MLLT3: variants seen among roughly 807,000 people sequenced by gnomAD.
MLLT3 encodes the protein protein AF-9.
A neutral mutation model predicts 53.2 loss-of-function variants in MLLT3; 4 were observed. The observed-to-expected ratio is 0.08, with a 90% CI of 0.04 to 0.17. MLLT3 has a LOEUF of 0.17. Among genes scored for constraint, MLLT3 ranks in the 10% least tolerant of loss-of-function variants. The probability of loss-of-function intolerance (pLI) is 1.00; values close to 1 mark genes in which losing one functional copy is unlikely to be tolerated. For synonymous variants in MLLT3, 283 were observed against 230.6 expected (o/e 1.23, Z -2.06); for missense variants, 569 against 684.0 (o/e 0.83, Z 1.87).
chr9:20,608,068 T>G (rs1026820696), intron 2 of MLLT3, among the ~76,000 whole-genome samples: 1 of 152,144 alleles, frequency 6.6e-6, no homozygotes, highest in Non-Finnish European at 1.5e-5. Flanking sequence ...CTTCTTTCTC[T>G]GCCCTAAATC....
intron 5 of MLLT3, among the ~76,000 whole-genome samples, chr9:20,375,021 C>T (rs1014109863): frequency 6.6e-6 from 1 of 152,230 alleles, no homozygotes; most frequent in African/African-American, 2.4e-5. Context: ...TGTGAGGACA[C>T]AGCAAGAACG....
In MLLT3 at chr9:20,343,884, G is replaced by A; in HGVS notation, c.*2559C>T. 4.9e-6 allele frequency: 1 copy of A among 205,330 alleles called. No individual in the cohort carries two copies. The highest frequency in any genetic ancestry group is 1.6e-3 in the Middle Eastern group (1 of 614). 12.7% of individuals were successfully genotyped at this position (205,330 alleles called of 1,614,324 possible). A position where few individuals can be genotyped will look rare whatever the true frequency, so the allele number is the denominator to read the frequency against. ...GAACTGAAGGGGTTACTTTAAGAGAGGTATTAAAACTACTTGAAATTAATT... is the reference window on the plus strand; with the variant it reads ...GAACTGAAGGGGTTACTTTAAGAGAAGTATTAAAACTACTTGAAATTAATT... On this transcript the variant is annotated 3_prime_UTR_variant, in exon 11 of 11. Coordinates refer to ENST00000380338, the MANE Select transcript of MLLT3 (RefSeq NM_004529.4).
chr9:20,537,250 A>C (rs994219347), intron 2 of MLLT3, among the ~76,000 whole-genome samples: 2 of 152,238 alleles, frequency 1.3e-5, no homozygotes, highest in African/African-American at 4.8e-5. Flanking sequence ...AGGCCAAATC[A>C]ATGCATACTA....
rs5896896 is a variant in MLLT3 at position 20,529,724 on chromosome 9, CTT to C, written c.194-72940_194-72939del. Among the ~76,000 whole-genome samples, 171 of 76,412 alleles carry C rather than the reference CTT, an allele frequency of 2.2e-3. 1 individual carries two copies. In the Middle Eastern group the frequency reaches 0.028, roughly 12 times the overall value. The allele number at this position is 76,412 out of a possible 152,430, so 50.1% of individuals were successfully genotyped here. On this transcript the variant is annotated intron_variant, in intron 2 of 10. Transcript: ENST00000380338. Reference sequence around the variant, plus strand: ...ACTAGAAAAGATGATTAATCCAATCCTTTTTTTTTTTTTTTTTTTTTTTTGGT... The same window carrying C: ...ACTAGAAAAGATGATTAATCCAATCCTTTTTTTTTTTTTTTTTTTTTTGGT...
At chr9:20,543,716 G>A (rs763415817) in intron 2 of MLLT3, among the ~76,000 whole-genome samples, 32 of 151,508 alleles carry the variant, frequency 2.1e-4, no homozygotes, top group East Asian at 7.8e-4. Flanking sequence ...GGAGGAGGAC[G>A]GAGGAGGAAG....
At chr9:20,611,632 G>T (rs1466530848) in intron 2 of MLLT3, among the ~76,000 whole-genome samples, 1 of 151,958 alleles carries the variant, frequency 6.6e-6, no homozygotes, top group East Asian at 1.9e-4. Context: ...CTATTTTAAA[G>T]ATAAGCCATA....
chr9:20,509,478 T>G (rs992666257), intron 2 of MLLT3, among the ~76,000 whole-genome samples: 1 of 152,200 alleles, frequency 6.6e-6, no homozygotes, highest in Non-Finnish European at 1.5e-5. Context: ...CACCCAGGCA[T>G]TGAGTAAGAG....
intron 2 of MLLT3, among the ~76,000 whole-genome samples, chr9:20,477,047 G>C (rs993820099): frequency 2.0e-5 from 3 of 152,038 alleles, no homozygotes; most frequent in Non-Finnish European, 4.4e-5. Context: ...AACCAACTCT[G>C]ACTAGAACAG....
intron 5 of MLLT3, among the ~76,000 whole-genome samples, chr9:20,371,838 A>AT (rs1821611948): frequency 6.6e-6 from 1 of 152,232 alleles, no homozygotes; most frequent in African/African-American, 2.4e-5. Context: ...GGTGCCATAG[A>AT]TAGTGATTCC....
chr9:20,454,971 T>C (rs936830163), intron 3 of MLLT3, among the ~76,000 whole-genome samples: 15 of 152,192 alleles, frequency 9.9e-5, no homozygotes, highest in African/African-American at 3.4e-4. Context: ...TGAGGTATAC[T>C]TCACATCTAC....
rs771532026 is a variant in MLLT3 at position 20,555,250 on chromosome 9, C to T, written c.193+65404G>A. Among the ~76,000 whole-genome samples, 98 of 152,102 alleles carry T rather than the reference C, an allele frequency of 6.4e-4. 1 individual carries two copies. Among genetic ancestry groups the T allele is most frequent in the Admixed American group, 9.2e-4 (14 of 15,254 alleles). On this transcript the variant is annotated intron_variant, in intron 2 of 10. Transcript: ENST00000380338. Reference sequence around the variant, plus strand: ...TGGTTTATTTTCATGCCGGAAATAGCATTTTGGTTGAAAACACAGTTTCCT... The same window carrying T: ...TGGTTTATTTTCATGCCGGAAATAGTATTTTGGTTGAAAACACAGTTTCCT...
In MLLT3 at chr9:20,622,274, T is replaced by C; in HGVS notation, c.-18A>G. 2 of 1,588,058 alleles carry C rather than the reference T, an allele frequency of 1.3e-6. No homozygotes were observed. Among genetic ancestry groups the C allele is most frequent in the South Asian group, 1.1e-5 (1 of 87,696 alleles). ...CTAGCCATGCCTGGGGGCCCGGAGG[T>C]TTGCTGGGGTGTTGTGTGGTACCCC... On this transcript the variant is annotated 5_prime_UTR_variant, in exon 1 of 11. Transcript: ENST00000380338.
chr9:20,521,629 T>G (rs1352281277), intron 2 of MLLT3, among the ~76,000 whole-genome samples: 1 of 77,516 alleles, frequency 1.3e-5, no homozygotes, highest in African/African-American at 6.2e-5. Context: ...AAAGCAAAGT[T>G]TAAACTGACA....
At chr9:20,441,494 T>A (rs1473472726) in intron 4 of MLLT3, among the ~76,000 whole-genome samples, 1 of 152,098 alleles carries the variant, frequency 6.6e-6, no homozygotes. Flanking sequence ...TTCCAGAGTT[T>A]GTGGGGGGAG....
At chr9:20,470,853 C>A (rs1429964103) in intron 2 of MLLT3, among the ~76,000 whole-genome samples, 1 of 151,992 alleles carries the variant, frequency 6.6e-6, no homozygotes, top group Non-Finnish European at 1.5e-5. Context: ...CACATACCCC[C>A]TTCTAAATAA....
chr9:20,395,553 C>G (rs1377958184), intron 5 of MLLT3, among the ~76,000 whole-genome samples: 1 of 152,098 alleles, frequency 6.6e-6, no homozygotes, highest in Non-Finnish European at 1.5e-5. Context: ...GAATCTAATG[C>G]AAAACTGTTT....
chr9:20,435,412 C>T (rs987827199), intron 4 of MLLT3, among the ~76,000 whole-genome samples: 3 of 151,930 alleles, frequency 2.0e-5, no homozygotes, highest in African/African-American at 7.3e-5. Context: ...ATTTATTATC[C>T]CTTAAAAGTT....
intron 4 of MLLT3, among the ~76,000 whole-genome samples, chr9:20,444,617 A>G (rs1365950316): frequency 6.6e-6 from 1 of 152,172 alleles, no homozygotes; most frequent in East Asian, 1.9e-4. Context: ...TCACACCTGT[A>G]GTTAGAGCAC....
intron 2 of MLLT3, among the ~76,000 whole-genome samples, chr9:20,586,073 T>C (rs1332169747): frequency 6.6e-6 from 1 of 152,136 alleles, no homozygotes; most frequent in Non-Finnish European, 1.5e-5. Flanking sequence ...ATCCTAGCAC[T>C]TCGGGAAGCC....
Sources: gnomAD v4.1 joint callset for allele counts (sites outside exome capture counted in the v4.1 genomes callset) on GRCh38, gnomAD v4.1.1 for gene constraint, MANE v1.5 for transcripts, NCBI Gene and HGNC (gene_info 2026-07-23, HGNC 2026-07-21) for gene names.